Variants in SPPL2A observed in about 807,000 individuals in gnomAD.
The protein encoded by SPPL2A is signal peptide peptidase like 2A.
Under a neutral mutation model 63.8 loss-of-function variants are expected in SPPL2A, and 51 were observed. The observed-to-expected ratio is 0.80, with a 90% CI of 0.64 to 1.01. The LOEUF (loss-of-function observed/expected upper bound fraction) is 1.01. Ranked by LOEUF, SPPL2A falls within the 50% of genes least tolerant of loss-of-function variation. SPPL2A has a pLI of 0.00. For missense variants in SPPL2A, 553 were observed against 622.7 expected (o/e 0.89, Z 1.19); for synonymous variants, 188 against 205.8 (o/e 0.91, Z 0.74).
At chr15:50,728,565 C>T (rs1236923149) in intron 10 of SPPL2A, among the ~76,000 whole-genome samples, 1 of 151,902 alleles carries the variant, frequency 6.6e-6, no homozygotes, top group Non-Finnish European at 1.5e-5. Context: ...CCAGGATGGT[C>T]TCAATCTCCT....
At chr15:50,762,300 G>A (rs763945945) in intron 1 of SPPL2A, among the ~76,000 whole-genome samples, 3 of 151,176 alleles carry the variant, frequency 2.0e-5, no homozygotes, top group African/African-American at 4.9e-5. Flanking sequence ...CCCAGGAGGT[G>A]GAGGCTGCAG....
intron 1 of SPPL2A, among the ~76,000 whole-genome samples, chr15:50,763,023 G>A (rs118101350): frequency 1.3e-5 from 2 of 151,086 alleles, no homozygotes; most frequent in South Asian, 2.1e-4. Flanking sequence ...GATGACAGGC[G>A]TGAGCCACCA....
intron 5 of SPPL2A, chr15:50,742,678 C>T (rs2062831521): frequency 6.6e-6 from 1 of 152,130 alleles, no homozygotes; most frequent in African/African-American, 2.4e-5. Context: ...CCTTTCTCCT[C>T]CCACATACAC....
intron 1 of SPPL2A, among the ~76,000 whole-genome samples, chr15:50,754,881 C>G (rs1233073456): frequency 6.6e-6 from 1 of 152,078 alleles, no homozygotes; most frequent in African/African-American, 2.4e-5. Flanking sequence ...ACTCGGGAGG[C>G]TGAGGCCGGA....
At chr15:50,757,760 T>C (rs998997548) in intron 1 of SPPL2A, among the ~76,000 whole-genome samples, 3 of 152,280 alleles carry the variant, frequency 2.0e-5, no homozygotes, top group African/African-American at 4.8e-5. Context: ...ATCATTTTCT[T>C]TTCAAATTAA....
chr15:50,723,750 A>G (rs891840081), intron 12 of SPPL2A, among the ~76,000 whole-genome samples: 6 of 152,258 alleles, frequency 3.9e-5, no homozygotes, highest in African/African-American at 1.4e-4. Flanking sequence ...GGCCGGGATT[A>G]CAGGCATGAG....
In SPPL2A at chr15:50,736,251, C is replaced by G. The variant is rs1382173418; in HGVS notation, c.831-49G>C. 2.8e-6 allele frequency: 3 copies of G among 1,074,546 alleles called. No individual in the cohort carries two copies. In the African/African-American group the frequency reaches 4.7e-5, roughly 17 times the overall value. The allele number at this position is 1,074,546 out of a possible 1,614,324, so 66.6% of individuals were successfully genotyped here. ...AACACTGCAGATGAAGTACAATGTT[C>G]ACTTGATATAAGAAGTAGCAAATAT... is the stretch of plus-strand genomic sequence containing the variant. On this transcript the variant is annotated intron_variant, in intron 7 of 14. Coordinates refer to ENST00000261854, the MANE Select transcript of SPPL2A (RefSeq NM_032802.4).
rs181449084 is a variant in SPPL2A at position 50,761,895 on chromosome 15, G to A, written c.66+3573C>T. On this transcript the variant is annotated intron_variant, in intron 1 of 14. Coordinates refer to ENST00000261854, the MANE Select transcript of SPPL2A (RefSeq NM_032802.4). ...TGCAGTGAGCCGAGATAAGGCCACTGCAATCCAGCCTAGGCTACAGAGCAA... is the reference window on the plus strand; with the variant it reads ...TGCAGTGAGCCGAGATAAGGCCACTACAATCCAGCCTAGGCTACAGAGCAA... 4.4e-3 allele frequency among the ~76,000 whole-genome samples: 667 copies of A among 151,974 alleles called. 2 individuals carry two copies. The highest frequency in any genetic ancestry group is 6.9e-3 in the Non-Finnish European group (470 of 67,972).
Position 50,707,048 on chromosome 15 carries a change from C to A in SPPL2A, c.*752G>T, listed in dbSNP as rs1413528710. The A allele has an allele frequency of 6.6e-6, 1 of 152,148 alleles. No individual in the cohort carries two copies. Among genetic ancestry groups the A allele is most frequent in the Non-Finnish European group, 1.5e-5 (1 of 68,024 alleles). The allele number at this position is 152,148 out of a possible 1,614,324, so 9.4% of individuals were successfully genotyped here. A position where few individuals can be genotyped will look rare whatever the true frequency, so the allele number is the denominator to read the frequency against. The stretch of plus-strand genomic sequence containing the variant: ...TCTAACCTCTGCAGTGATATAAGGT[C>A]CAAATTTTCACCGTTGAACCGCCTT... On this transcript the variant is annotated 3_prime_UTR_variant, in exon 15 of 15. Coordinates refer to ENST00000261854, the MANE Select transcript of SPPL2A (RefSeq NM_032802.4).
At chr15:50,722,013 C>T in intron 13 of SPPL2A, 111 bp downstream of exon 13, 1 of 640,058 alleles carries the variant, frequency 1.6e-6, no homozygotes, top group Non-Finnish European at 2.8e-6. Context: ...GCTAGGACTC[C>T]AGGGGTGAAC....
chr15:50,708,006 C>G, intron 14 of SPPL2A, 132 bp from the exon 15 acceptor site: 1 of 637,804 alleles, frequency 1.6e-6, no homozygotes, highest in Non-Finnish European at 2.8e-6. Context: ...TTCTGGAGCA[C>G]TGTTCTGGTT....
intron 14 of SPPL2A, among the ~76,000 whole-genome samples, chr15:50,712,678 C>CTTT (rs1567148202): frequency 7.9e-6 from 1 of 126,356 alleles, no homozygotes. Context: ...CCTCCCCCCC[C>CTTT]CTTTTTTTTT....
intron 1 of SPPL2A, among the ~76,000 whole-genome samples, chr15:50,752,113 G>C (rs904515079): frequency 2.0e-5 from 3 of 152,028 alleles, no homozygotes; most frequent in African/African-American, 7.2e-5. Flanking sequence ...TAACAGGTGT[G>C]AGCCACTGCA....
intron 14 of SPPL2A, among the ~76,000 whole-genome samples, chr15:50,718,313 C>T (rs1267001694): frequency 6.6e-6 from 1 of 152,048 alleles, no homozygotes; most frequent in Non-Finnish European, 1.5e-5. Context: ...GAATAGGCCT[C>T]TTTCCAACTT....
chr15:50,758,785 C>A (rs2062983572), intron 1 of SPPL2A, among the ~76,000 whole-genome samples: 1 of 152,156 alleles, frequency 6.6e-6, no homozygotes, highest in African/African-American at 2.4e-5. Flanking sequence ...TTTTTACTAT[C>A]TTCAGGGAAG....
At chr15:50,750,656 G>A (rs2062898544) in intron 1 of SPPL2A, among the ~76,000 whole-genome samples, 1 of 152,246 alleles carries the variant, frequency 6.6e-6, no homozygotes, top group East Asian at 1.9e-4. Flanking sequence ...AAAGCCAAGA[G>A]GTAAGAAGTG....
intron 11 of SPPL2A, 61 bp from the exon 12 acceptor site, chr15:50,725,384 A>G (rs1002340806): frequency 1.5e-4 from 128 of 864,384 alleles, no homozygotes; most frequent in Non-Finnish European, 2.3e-4. Flanking sequence ...GAGGCCGCCA[A>G]TGAACTTCTT....
At chr15:50,716,048 C>T (rs761409063) in intron 14 of SPPL2A, among the ~76,000 whole-genome samples, 14 of 152,066 alleles carry the variant, frequency 9.2e-5, no homozygotes, top group Non-Finnish European at 1.8e-4. Flanking sequence ...ATCATTCACT[C>T]GTCTATCCAT....
At chr15:50,739,602 A>C in intron 6 of SPPL2A, 78 bp downstream of exon 6, 1 of 1,087,656 alleles carries the variant, frequency 9.2e-7, no homozygotes, top group East Asian at 2.8e-5. Context: ...GAATGGCTTA[A>C]AGGAAAAGAT....
Sources: gnomAD v4.1 joint callset for allele counts (sites outside exome capture counted in the v4.1 genomes callset) on GRCh38, gnomAD v4.1.1 for gene constraint, MANE v1.5 for transcripts, NCBI Gene and HGNC (gene_info 2026-07-23, HGNC 2026-07-21) for gene names.